Variants in SHISA9 observed in about 807,000 individuals in gnomAD.
The protein encoded by SHISA9 is shisa family member 9, also known as protein shisa-9.
A neutral mutation model predicts 38.0 loss-of-function variants in SHISA9; 13 were observed. That is an observed-to-expected ratio of 0.34 (90% CI 0.22 to 0.54). SHISA9 has a LOEUF of 0.54. SHISA9 is among the 20% of genes least tolerant of loss of function. The pLI, the probability that SHISA9 is intolerant of heterozygous loss-of-function variation, is 0.91. For synonymous variants in SHISA9, 275 were observed against 242.0 expected, an observed-to-expected ratio of 1.14 and a Z score of -1.27; for missense variants, 538 against 575.8, an observed-to-expected ratio of 0.93 and a Z score of 0.67.
chr16:13,045,597 T>TGAGGGAA (rs1555457357), intron 2 of SHISA9, among the ~76,000 whole-genome samples: 2 of 143,540 alleles, frequency 1.4e-5, no homozygotes, highest in African/African-American at 2.7e-5. Flanking sequence ...TTACAGATGA[T>TGAGGGAA]GAGGGAGAGG....
the SHISA9 span, among the ~76,000 whole-genome samples, chr16:13,378,303 G>A: frequency 6.6e-6 from 1 of 152,102 alleles, no homozygotes; most frequent in South Asian, 2.1e-4. Context: ...TCCCTTTCTT[G>A]GCTCTGTTTT....
chr16:13,212,240 A>G (rs563957583), intron 3 of SHISA9, among the ~76,000 whole-genome samples: 232 of 152,306 alleles, frequency 1.5e-3, no homozygotes, highest in Non-Finnish European at 2.3e-3. Flanking sequence ...ATGCCTAAGA[A>G]AGGAAAGAGC....
At chr16:13,519,866 C>G in the SHISA9 span, among the ~76,000 whole-genome samples, 1 of 152,216 alleles carries the variant, frequency 6.6e-6, no homozygotes, top group East Asian at 1.9e-4. Context: ...TACCTCCTAC[C>G]GGGTCCCCAT....
At chr16:13,514,596 C>A in the SHISA9 span, among the ~76,000 whole-genome samples, 1 of 151,884 alleles carries the variant, frequency 6.6e-6, no homozygotes, top group African/African-American at 2.4e-5. Context: ...TGAGACACTA[C>A]AAAAGAAGAT....
the SHISA9 span, among the ~76,000 whole-genome samples, chr16:13,355,424 A>T: frequency 6.6e-6 from 1 of 151,570 alleles, no homozygotes; most frequent in South Asian, 2.1e-4. Context: ...AGGTGGGGGG[A>T]TACAAGAGGA....
chr16:13,325,654 A>C, the SHISA9 span, among the ~76,000 whole-genome samples: 1 of 152,208 alleles, frequency 6.6e-6, no homozygotes, highest in Non-Finnish European at 1.5e-5. Context: ...CTGAGTCCAA[A>C]GCCCTGACGA....
chr16:13,401,244 G>C, the SHISA9 span, among the ~76,000 whole-genome samples: 1 of 152,134 alleles, frequency 6.6e-6, no homozygotes, highest in African/African-American at 2.4e-5. Context: ...CAGTTATTCA[G>C]CCTTATTTTT....
chr16:13,443,096 C>G, the SHISA9 span, among the ~76,000 whole-genome samples: 1 of 152,198 alleles, frequency 6.6e-6, no homozygotes. Context: ...CATTACACTT[C>G]TTTTATTTTG....
chr16:13,242,389 G>C (rs552245441), downstream of SHISA9, among the ~76,000 whole-genome samples: 2 of 152,290 alleles, frequency 1.3e-5, no homozygotes, highest in South Asian at 2.1e-4. Flanking sequence ...CATTGCACTA[G>C]AGTGGCCCCT....
the SHISA9 span, among the ~76,000 whole-genome samples, chr16:13,476,951 G>A: frequency 6.6e-6 from 1 of 151,732 alleles, no homozygotes. Flanking sequence ...GGGTTTCACT[G>A]TGTCCAGGAT....
chr16:13,078,024 G>A (rs1200189341), intron 2 of SHISA9, among the ~76,000 whole-genome samples: 1 of 152,146 alleles, frequency 6.6e-6, no homozygotes, highest in Non-Finnish European at 1.5e-5. Context: ...TGGCTTTATT[G>A]ACTAAAACCA....
chr16:13,296,675 G>C, the SHISA9 span, among the ~76,000 whole-genome samples: 1 of 151,980 alleles, frequency 6.6e-6, no homozygotes, highest in East Asian at 1.9e-4. Context: ...CAGATCACTT[G>C]AGATCAGGAG....
chr16:12,978,654 T>C (rs946165755), intron 2 of SHISA9, among the ~76,000 whole-genome samples: 3 of 152,256 alleles, frequency 2.0e-5, no homozygotes, highest in African/African-American at 7.2e-5. Flanking sequence ...TTTGAAGCAG[T>C]GTCTCATCAC....
At chr16:13,518,033 G>C in the SHISA9 span, among the ~76,000 whole-genome samples, 3 of 152,276 alleles carry the variant, frequency 2.0e-5, no homozygotes, top group African/African-American at 7.2e-5. Context: ...GAGGAAGCCA[G>C]TCTGGTGAAT....
chr16:12,935,708 C>T (rs149064481), intron 2 of SHISA9, among the ~76,000 whole-genome samples: 2,435 of 152,050 alleles, frequency 0.016, 62 homozygotes, highest in African/African-American at 0.055. Context: ...AGTAGCTGGG[C>T]ATGGTGGCAC....
intron 1 of SHISA9, among the ~76,000 whole-genome samples, chr16:12,908,251 CTG>C (rs1045289833): frequency 3.3e-5 from 5 of 152,148 alleles, no homozygotes; most frequent in Non-Finnish European, 7.3e-5. Context: ...ATTTATTTAA[CTG>C]TGTGACATTG....
At chr16:13,006,485 A>T (rs573837620) in intron 2 of SHISA9, among the ~76,000 whole-genome samples, 1 of 152,216 alleles carries the variant, frequency 6.6e-6, no homozygotes, top group East Asian at 1.9e-4. Context: ...AGACACAGAG[A>T]CTCTGTCTCC....
intron 2 of SHISA9, among the ~76,000 whole-genome samples, chr16:12,927,632 C>G (rs1437912757): frequency 6.6e-6 from 1 of 150,898 alleles, no homozygotes; most frequent in Non-Finnish European, 1.5e-5. Context: ...TGAGCTCGAG[C>G]TCCTGGACTC....
the SHISA9 span, among the ~76,000 whole-genome samples, chr16:13,386,090 A>G: frequency 3.3e-5 from 5 of 152,212 alleles, no homozygotes; most frequent in East Asian, 9.6e-4. Context: ...ATGAACCTAC[A>G]CATAATAAAA....
Sources: gnomAD v4.1 joint callset for allele counts (sites outside exome capture counted in the v4.1 genomes callset) on GRCh38, gnomAD v4.1.1 for gene constraint, MANE v1.5 for transcripts, NCBI Gene and HGNC (gene_info 2026-07-23, HGNC 2026-07-21) for gene names.